Variants in SOX5 observed in about 807,000 individuals in gnomAD.
SOX5 encodes SRY-box transcription factor 5.
In SOX5, 9 loss-of-function variants were observed where a neutral mutation model predicts 92.0. The ratio of observed to expected loss-of-function variants is 0.10; its 90% CI spans 0.06 to 0.17. The LOEUF is 0.17. SOX5 is among the 10% of genes least tolerant of loss of function. SOX5 has a pLI of 1.00. For synonymous variants in SOX5, 344 were observed against 336.3 expected (o/e 1.02, Z -0.25); for missense variants, 642 against 944.5 (o/e 0.68, Z 4.20).
intron 6 of SOX5, among the ~76,000 whole-genome samples, chr12:23,667,914 C>T (rs1054243763): frequency 6.6e-6 from 1 of 152,158 alleles, no homozygotes; most frequent in Non-Finnish European, 1.5e-5. Flanking sequence ...ATCGTTGATC[C>T]TGATTATTCG....
In SOX5 at chr12:23,531,481, A is replaced by T. The variant is rs938562656; in HGVS notation, c.*2738T>A. 6.6e-6 allele frequency: 1 copy of T among 152,134 alleles called. No homozygotes were observed. Among genetic ancestry groups the T allele is most frequent in the African/African-American group, 2.4e-5 (1 of 41,400 alleles). The allele number at this position is 152,134 out of a possible 1,614,324, so 9.4% of individuals were successfully genotyped here. A position where few individuals can be genotyped will look rare whatever the true frequency, so the allele number is the denominator to read the frequency against. On this transcript the variant is annotated 3_prime_UTR_variant, in exon 15 of 15. Transcript: ENST00000451604. ...TAAAACAAAGTATTCTTGTAGCCCA[A>T]ACTCATGAAATGAAAACAAAGCATC...
At chr12:23,783,636 C>T (rs2095324529) in intron 3 of SOX5, among the ~76,000 whole-genome samples, 1 of 151,828 alleles carries the variant, frequency 6.6e-6, no homozygotes, top group African/African-American at 2.4e-5. Context: ...AATAAAGAAG[C>T]AAAAAGGAAG....
At chr12:24,360,874 C>T (rs1168908902) in intron 2 of SOX5, among the ~76,000 whole-genome samples, 1 of 152,092 alleles carries the variant, frequency 6.6e-6, no homozygotes, top group African/African-American at 2.4e-5. Flanking sequence ...TTTATCAAAA[C>T]CAAAATGATA....
In SOX5 at chr12:23,810,656, C is replaced by T. The variant is rs544993198; in HGVS notation, c.481+35327G>A. ...AGAGGGGCTTCAGAGGAGAATGTCA[C>T]CTTTTTGATGGAGGTGGGGTTAGAT... is the stretch of plus-strand genomic sequence containing the variant. On this transcript the variant is annotated intron_variant, in intron 3 of 14. Transcript: ENST00000451604. Among the ~76,000 whole-genome samples, 4 of 152,222 alleles carry T rather than the reference C, an allele frequency of 2.6e-5. No individual in the cohort carries two copies. In the South Asian group the frequency reaches 8.3e-4, roughly 32 times the overall value.
Position 24,058,306 on chromosome 12 carries a change from T to C in SOX5, c.-2+155037A>G, listed in dbSNP as rs547231381. On this transcript the variant is annotated intron_variant, in intron 4 of 4. Coordinates refer to the SOX5 transcript ENST00000446891. ...CGATGTGCACAATATTTTTTGTAGT[T>C]GTAGTTTAAAAAAAAAATTCTCTTT... Among the ~76,000 whole-genome samples the C allele has an allele frequency of 2.6e-5, 4 of 152,330 alleles. No homozygotes were observed. In the South Asian group the frequency reaches 6.2e-4, roughly 24 times the overall value.
intron 1 of SOX5, among the ~76,000 whole-genome samples, chr12:24,545,590 T>C (rs1309589874): frequency 6.6e-6 from 1 of 152,204 alleles, no homozygotes; most frequent in South Asian, 2.1e-4. Flanking sequence ...TTGCATCTCA[T>C]GGACCAATTG....
At chr12:24,027,552 G>A (rs1955014966) in intron 4 of SOX5, among the ~76,000 whole-genome samples, 1 of 151,844 alleles carries the variant, frequency 6.6e-6, no homozygotes, top group African/African-American at 2.4e-5. Flanking sequence ...CTCCACTTGG[G>A]GCAGAGGCAT....
intron 4 of SOX5, among the ~76,000 whole-genome samples, chr12:24,047,054 AT>A (rs11341509): frequency 0.84 from 128,254 of 151,936 alleles, 56,271 homozygotes; most frequent in Non-Finnish European, 0.96. Context: ...TTTCCTTCTT[AT>A]TTTTTCCCCC....
At position 24,393,068 on chromosome 12, in the gene SOX5, A is replaced by AT. The variant is rs567538891; in HGVS notation, c.-250-24430dup. 1.3e-3 allele frequency among the ~76,000 whole-genome samples: 194 copies of AT among 152,254 alleles called. No homozygotes were observed. Among genetic ancestry groups the AT allele is most frequent in the Admixed American group, 2.0e-3 (30 of 15,296 alleles). ...ATCTTGAGTGTGTGGGGGCATAAGT[A>AT]TTTTTTTCTTTTCTATCTCAACCAC... On this transcript the variant is annotated intron_variant, in intron 1 of 4. Coordinates refer to the SOX5 transcript ENST00000446891. The surrounding 1 kb of genome is among the most constrained non-coding windows in gnomAD (Gnocchi z 5.0).
intron 2 of SOX5, among the ~76,000 whole-genome samples, chr12:23,870,914 A>G (rs755971289): frequency 6.6e-6 from 1 of 152,052 alleles, no homozygotes; most frequent in African/African-American, 2.4e-5. Flanking sequence ...CACTTCACTC[A>G]CTAAGGAAAT....
chr12:24,344,678 G>A (rs1466522109), intron 2 of SOX5, among the ~76,000 whole-genome samples: 1 of 152,226 alleles, frequency 6.6e-6, no homozygotes, highest in Non-Finnish European at 1.5e-5. Context: ...TGAAAGGGAT[G>A]TGCTTGGGTG....
intron 4 of SOX5, among the ~76,000 whole-genome samples, chr12:24,187,929 G>A (rs1321833330): frequency 2.6e-5 from 4 of 152,288 alleles, no homozygotes; most frequent in African/African-American, 7.2e-5. Context: ...GAGTTTTAAT[G>A]TAAAATCTTT....
At chr12:24,042,353 T>C (rs1995182) in intron 4 of SOX5, among the ~76,000 whole-genome samples, 30,106 of 152,100 alleles carry the variant, frequency 0.2, 3,484 homozygotes, top group Middle Eastern at 0.33. Context: ...TAAAACAGGT[T>C]GCACCATATT....
intron 3 of SOX5, among the ~76,000 whole-genome samples, chr12:24,243,794 T>C (rs1170819867): frequency 6.6e-6 from 1 of 151,986 alleles, no homozygotes; most frequent in African/African-American, 2.4e-5. Context: ...TCCCAGTGAG[T>C]CAAGTCCCAA....
chr12:23,944,447 GA>G (rs1944209051), intron 1 of SOX5: 1 of 152,020 alleles, frequency 6.6e-6, no homozygotes, highest in Non-Finnish European at 1.5e-5. Flanking sequence ...AGTAAGTAAA[GA>G]AAAGAATAGA....
chr12:24,071,361 C>T (rs909865416), intron 4 of SOX5, among the ~76,000 whole-genome samples: 1 of 152,190 alleles, frequency 6.6e-6, no homozygotes, highest in Non-Finnish European at 1.5e-5. Flanking sequence ...ATCAATTAGG[C>T]AGATGGCTCA....
chr12:23,825,483 C>G (rs1306967681), intron 3 of SOX5, among the ~76,000 whole-genome samples: 2 of 152,198 alleles, frequency 1.3e-5, no homozygotes, highest in African/African-American at 4.8e-5. Context: ...CTGCGTTGGT[C>G]TGGATGGGAG....
chr12:23,877,798 G>C (rs1244741660), intron 2 of SOX5, among the ~76,000 whole-genome samples: 2 of 151,888 alleles, frequency 1.3e-5, no homozygotes. Flanking sequence ...GAAAATGCTA[G>C]TATATATTAT....
intron 1 of SOX5, among the ~76,000 whole-genome samples, chr12:24,390,365 A>C (rs1958867471): frequency 6.6e-6 from 1 of 152,210 alleles, no homozygotes; most frequent in African/African-American, 2.4e-5. Flanking sequence ...TGAACATAAA[A>C]TCAACCAGAA....
Sources: gnomAD v4.1 joint callset for allele counts (sites outside exome capture counted in the v4.1 genomes callset) on GRCh38, gnomAD v4.1.1 for gene constraint, Gnocchi (gnomAD v3.1) non-coding constraint, MANE v1.5 for transcripts, NCBI Gene and HGNC (gene_info 2026-07-23, HGNC 2026-07-21) for gene names.